The following PEX14 variants were observed in gnomAD, a reference collection of about 807,000 sequenced individuals.
The protein encoded by PEX14 is peroxisomal biogenesis factor 14, also known as peroxisomal membrane protein PEX14.
A neutral mutation model predicts 49.5 loss-of-function variants in PEX14; 15 were observed. That is an observed-to-expected ratio of 0.30 (90% confidence interval 0.20 to 0.47). PEX14 has a LOEUF of 0.47. Among genes scored for constraint, PEX14 ranks in the 20% least tolerant of loss-of-function variants. The pLI is 1.00. For synonymous variants in PEX14, 210 were observed against 212.7 expected (o/e 0.99, Z 0.11); for missense variants, 398 against 494.8 (o/e 0.80, Z 1.86).
chr1:10,624,272 G>A, intron 6 of PEX14, 68 bp from the exon 7 acceptor site: 1 of 997,226 alleles, frequency 1.0e-6, no homozygotes, highest in Non-Finnish European at 1.6e-6. Flanking sequence ...TCCGAGGTGT[G>A]CGGACCGAGC....
At chr1:10,557,530 G>A (rs553127549) in intron 3 of PEX14, among the ~76,000 whole-genome samples, 1 of 152,204 alleles carries the variant, frequency 6.6e-6, no homozygotes, top group Non-Finnish European at 1.5e-5. Flanking sequence ...AGTTTGCAGT[G>A]ACCTGAGATC....
chr1:10,497,700 G>A (rs1641594718), intron 2 of PEX14, among the ~76,000 whole-genome samples: 1 of 152,206 alleles, frequency 6.6e-6, no homozygotes, highest in Admixed American at 6.5e-5. Context: ...GAGGGCGAGG[G>A]CCACTTAGGG....
chr1:10,610,901 T>C (rs544830794), intron 4 of PEX14, among the ~76,000 whole-genome samples: 2 of 152,300 alleles, frequency 1.3e-5, no homozygotes, highest in Non-Finnish European at 2.9e-5. Context: ...TTCTCCTCCT[T>C]CTTCCTCTTC....
At chr1:10,493,307 A>T (rs1371754041) in intron 1 of PEX14, among the ~76,000 whole-genome samples, 5 of 152,164 alleles carry the variant, frequency 3.3e-5, no homozygotes, top group Non-Finnish European at 7.4e-5. Context: ...CCAGAATATG[A>T]ATTGGAAGAG....
intron 8 of PEX14, among the ~76,000 whole-genome samples, chr1:10,627,613 G>T (rs1171162968): frequency 6.6e-6 from 1 of 152,240 alleles, no homozygotes; most frequent in African/African-American, 2.4e-5. Context: ...GTGAAGACCT[G>T]GTCAGGGACA....
Position 10,569,222 on chromosome 1 carries a change from C to T in PEX14, c.170-30016C>T, listed in dbSNP as rs74225530. Among the ~76,000 whole-genome samples, 74 of 152,216 alleles carry T rather than the reference C, an allele frequency of 4.9e-4. No homozygotes were observed. In the East Asian group the frequency reaches 0.012, roughly 25 times the overall value. On this transcript the variant is annotated intron_variant, in intron 3 of 8. Coordinates refer to ENST00000356607, the MANE Select transcript of PEX14 (RefSeq NM_004565.3). ...GTGAAAAGTATGTAACTATTTTTTA[C>T]AAGTGAGCCATGAAGTATGTGATAG... is the stretch of plus-strand genomic sequence containing the variant.
chr1:10,535,661 C>T (rs1638777710), intron 2 of PEX14, among the ~76,000 whole-genome samples: 1 of 152,150 alleles, frequency 6.6e-6, no homozygotes, highest in African/African-American at 2.4e-5. Context: ...TTATATGGTA[C>T]ACAGTACAGG....
At chr1:10,610,161 T>A (rs1641238113) in intron 4 of PEX14, among the ~76,000 whole-genome samples, 1 of 148,582 alleles carries the variant, frequency 6.7e-6, no homozygotes, top group Non-Finnish European at 1.5e-5. Flanking sequence ...TGTTTATGTC[T>A]ATATCATGAT....
chr1:10,618,485 T>A (rs1641496317), intron 5 of PEX14, 68 bp downstream of exon 5: 5 of 1,193,788 alleles, frequency 4.2e-6, no homozygotes, highest in South Asian at 2.4e-5. Flanking sequence ...ACCCTTTCAC[T>A]GGTTCCCCTG....
chr1:10,511,440 A>G (rs1274948140), intron 2 of PEX14, among the ~76,000 whole-genome samples: 5 of 152,032 alleles, frequency 3.3e-5, no homozygotes, highest in African/African-American at 1.2e-4. Context: ...CTTTAATGCT[A>G]TCTGATTGAG....
chr1:10,583,627 G>A (rs2124574536), intron 3 of PEX14, among the ~76,000 whole-genome samples: 1 of 147,506 alleles, frequency 6.8e-6, no homozygotes, highest in East Asian at 2.0e-4. Context: ...CAATGGTAGA[G>A]TGGGAGGGAG....
chr1:10,557,583 C>G (rs1181011973), intron 3 of PEX14, among the ~76,000 whole-genome samples: 2 of 152,146 alleles, frequency 1.3e-5, no homozygotes, highest in African/African-American at 2.4e-5. Flanking sequence ...GAGACTCTGT[C>G]TCAAAAACAA....
At chr1:10,598,235 C>G (rs931583905) in intron 3 of PEX14, among the ~76,000 whole-genome samples, 3 of 152,220 alleles carry the variant, frequency 2.0e-5, no homozygotes, top group African/African-American at 7.2e-5. Context: ...TTCCCACTCT[C>G]AGCAGCTGGA....
At chr1:10,527,368 T>C (rs1013982012) in intron 2 of PEX14, among the ~76,000 whole-genome samples, 17 of 151,096 alleles carry the variant, frequency 1.1e-4, no homozygotes, top group African/African-American at 4.1e-4. Context: ...AATACAAAAA[T>C]TAGCTGGGTG....
intron 2 of PEX14, among the ~76,000 whole-genome samples, chr1:10,535,012 T>C (rs1638758353): frequency 6.6e-6 from 1 of 152,252 alleles, no homozygotes; most frequent in African/African-American, 2.4e-5. Context: ...GTTTGACTGC[T>C]TCCCTTAGTT....
intron 3 of PEX14, among the ~76,000 whole-genome samples, chr1:10,572,880 C>G (rs773802362): frequency 1.3e-5 from 2 of 152,146 alleles, no homozygotes; most frequent in Non-Finnish European, 2.9e-5. Flanking sequence ...TTTCATTGTA[C>G]AAATGTTATA....
chr1:10,489,676 G>A (rs942977114), intron 1 of PEX14, among the ~76,000 whole-genome samples: 1 of 152,204 alleles, frequency 6.6e-6, no homozygotes, highest in Non-Finnish European at 1.5e-5. Flanking sequence ...CACTTTTTCT[G>A]CATAGCTCTT....
chr1:10,568,809 G>A (rs867400315), intron 3 of PEX14, among the ~76,000 whole-genome samples: 3 of 152,064 alleles, frequency 2.0e-5, no homozygotes, highest in Admixed American at 1.3e-4. Context: ...GCGTGATCTC[G>A]GCTCACTGCA....
At chr1:10,520,159 T>TTTTTTTTTTTTTTTTG (rs1638236203) in intron 2 of PEX14, among the ~76,000 whole-genome samples, 2 of 101,518 alleles carry the variant, frequency 2.0e-5, no homozygotes, top group South Asian at 6.5e-4. Context: ...TTTTTTTTTT[T>TTTTTTTTTTTTTTTTG]TTTGTTTTTT....
Sources: gnomAD v4.1 joint callset for allele counts (sites outside exome capture counted in the v4.1 genomes callset) on GRCh38, gnomAD v4.1.1 for gene constraint, MANE v1.5 for transcripts, NCBI Gene and HGNC (gene_info 2026-07-23, HGNC 2026-07-21) for gene names.